TLN2: variants seen among roughly 807,000 people sequenced by gnomAD.
TLN2 encodes talin-2.
Under a neutral mutation model 294.7 loss-of-function variants are expected in TLN2, and 118 were observed. The ratio of observed to expected loss-of-function variants is 0.40; its 90% CI spans 0.34 to 0.47. The LOEUF (loss-of-function observed/expected upper bound fraction) is 0.47, where lower values mean the gene tolerates loss of function less well. Among genes scored for constraint, TLN2 ranks in the 20% least tolerant of loss-of-function variants. The pLI is 0.84. For synonymous variants in TLN2, 1,431 were observed against 1,304.5 expected (o/e 1.10, Z -2.09); for missense variants, 3,083 against 3,282.2 (o/e 0.94, Z 1.48).
intron 1 of TLN2, among the ~76,000 whole-genome samples, chr15:62,448,495 C>G (rs1216395321): frequency 6.6e-6 from 1 of 152,214 alleles, no homozygotes; most frequent in Non-Finnish European, 1.5e-5. Context: ...AGTACCCTCT[C>G]TGTCATGTGC....
intron 28 of TLN2, among the ~76,000 whole-genome samples, chr15:62,733,689 A>G (rs1209888185): frequency 2.0e-5 from 3 of 152,248 alleles, no homozygotes; most frequent in South Asian, 2.1e-4. Flanking sequence ...GAATGCTACT[A>G]TATTTGATAT....
chr15:62,548,521 T>C (rs892681198), intron 1 of TLN2, among the ~76,000 whole-genome samples: 2 of 152,200 alleles, frequency 1.3e-5, no homozygotes, highest in African/African-American at 2.4e-5. Flanking sequence ...GATTTCCTGG[T>C]GCTCACCAGA....
chr15:62,601,967 C>T (rs2047049336), intron 2 of TLN2, among the ~76,000 whole-genome samples: 1 of 152,102 alleles, frequency 6.6e-6, no homozygotes, highest in Non-Finnish European at 1.5e-5. Flanking sequence ...TTTTTGTTTA[C>T]TTTCTGGTGA....
At chr15:62,728,888 G>A (rs999761566) in intron 28 of TLN2, among the ~76,000 whole-genome samples, 3 of 151,744 alleles carry the variant, frequency 2.0e-5, no homozygotes, top group Admixed American at 2.0e-4. Flanking sequence ...TTTCTTTATG[G>A]TTAGTACTTT....
intron 1 of TLN2, among the ~76,000 whole-genome samples, chr15:62,574,120 G>A (rs1010227411): frequency 6.6e-6 from 1 of 151,966 alleles, no homozygotes; most frequent in African/African-American, 2.4e-5. Context: ...CGGTATTTTA[G>A]GTACCATCTG....
chr15:62,817,778 T>G (rs1353748711), intron 52 of TLN2, among the ~76,000 whole-genome samples: 1 of 151,730 alleles, frequency 6.6e-6, no homozygotes, highest in East Asian at 1.9e-4. Context: ...TTCCAAGCAT[T>G]GTGAGAAATA....
At chr15:62,461,517 T>C (rs996643982) in intron 1 of TLN2, among the ~76,000 whole-genome samples, 1 of 152,262 alleles carries the variant, frequency 6.6e-6, no homozygotes. Flanking sequence ...GATGGGTTTA[T>C]ACCTAGACGT....
chr15:62,677,936 C>A (rs577754830), intron 11 of TLN2, among the ~76,000 whole-genome samples: 1 of 151,102 alleles, frequency 6.6e-6, no homozygotes, highest in Admixed American at 6.6e-5. Flanking sequence ...GCTAGGGTTA[C>A]AGGCATGCAC....
At chr15:62,748,203 G>C (rs2061721492) in intron 32 of TLN2, 148 bp from the exon 33 acceptor site, 2 of 621,782 alleles carry the variant, frequency 3.2e-6, no homozygotes, top group South Asian at 2.0e-5. Context: ...GTTTATTTTT[G>C]GTTGTGTAGA....
At chr15:62,576,263 C>CA (rs35869276) in intron 1 of TLN2, among the ~76,000 whole-genome samples, 1 of 150,436 alleles carries the variant, frequency 6.6e-6, no homozygotes, top group African/African-American at 2.5e-5. Context: ...GACCCCGTCT[C>CA]AAAAAAAAAA....
chr15:62,799,126 G>A (rs891123689), intron 48 of TLN2, among the ~76,000 whole-genome samples: 2 of 152,198 alleles, frequency 1.3e-5, no homozygotes, highest in African/African-American at 4.8e-5. Context: ...CCAGAGCCAC[G>A]CACACAGGCA....
At position 62,792,780 on chromosome 15, in the gene TLN2, C is replaced by T. The variant is rs140861754; in HGVS notation, c.5876C>T (p.Thr1959Met). 5,005 of 1,613,958 alleles carry T rather than the reference C, an allele frequency of 3.1e-3. 17 individuals carry two copies. Among genetic ancestry groups the T allele is most frequent in the Non-Finnish European group, 3.3e-3 (3,898 of 1,180,022 alleles). ...RELIECARAVTEKVSLVLSAL... is the reference protein window; with the variant it reads ...RELIECARAVMEKVSLVLSAL... The stretch of plus-strand genomic sequence containing the variant: ...CTGATCGAATGCGCCCGTGCCGTCA[C>T]GGAAAAGGTAAGGAGCAGCCCTCAG... Residue 1959 changes from threonine to methionine, a missense_variant, in exon 46 of 59, where the codon ACG (threonine) becomes ATG (methionine). Physicochemically the swap from Thr to Met is moderately conservative, Grantham distance 81 (BLOSUM62 -1). Transcript: ENST00000636159.
chr15:62,739,331 C>T lies in TLN2; in HGVS notation c.3688-17C>T. ...AAAGCAGAATGTCTCATGGGGTGTG[C>T]CGTCTGTTCCCCACAGCTACCTCCA... On this transcript the variant is annotated splice_polypyrimidine_tract_variant and intron_variant, in intron 30 of 58. Transcript: ENST00000636159. 1 of 1,607,280 alleles carries T rather than the reference C, an allele frequency of 6.2e-7. No individual in the cohort carries two copies. Among genetic ancestry groups the T allele is most frequent in the Non-Finnish European group, 8.5e-7 (1 of 1,176,466 alleles).
rs138286989 is a variant in TLN2, at chr15:62,717,100, A to G, written c.2764-476A>G. 8.5e-3 allele frequency among the ~76,000 whole-genome samples: 1,295 copies of G among 152,278 alleles called. 18 individuals are homozygous for G. The highest frequency in any genetic ancestry group is 0.029 in the African/African-American group (1,187 of 41,542). On this transcript the variant is annotated intron_variant, in intron 23 of 58. Transcript: ENST00000636159. Reference sequence around the variant, plus strand: ...AGAAAAGTAACATTGTTGTTCTTGGACAAAGACAAGAGGGTAAACACAATT... The same window carrying G: ...AGAAAAGTAACATTGTTGTTCTTGGGCAAAGACAAGAGGGTAAACACAATT...
chr15:62,664,619 G>A (rs1306787727), intron 9 of TLN2, among the ~76,000 whole-genome samples: 1 of 151,906 alleles, frequency 6.6e-6, no homozygotes, highest in Non-Finnish European at 1.5e-5. Context: ...AGCACTTTGG[G>A]AGGCCGAAGT....
intron 51 of TLN2, among the ~76,000 whole-genome samples, 196 bp downstream of exon 51, chr15:62,805,981 G>A (rs1156865602): frequency 1.3e-5 from 2 of 152,086 alleles, no homozygotes; most frequent in Admixed American, 1.3e-4. Context: ...TTGAGACCAG[G>A]AATTTGAGAC....
At chr15:62,781,523 T>C (rs1320959082) in intron 44 of TLN2, among the ~76,000 whole-genome samples, 2 of 151,922 alleles carry the variant, frequency 1.3e-5, no homozygotes, top group Non-Finnish European at 2.9e-5. Context: ...GGAGAGAAAA[T>C]GAAAAGACGG....
intron 1 of TLN2, among the ~76,000 whole-genome samples, chr15:62,587,979 C>T (rs955446513): frequency 2.6e-5 from 4 of 152,000 alleles, no homozygotes; most frequent in African/African-American, 4.8e-5. Context: ...CTCCCGGGTT[C>T]ACACTATTCT....
At chr15:62,641,132 C>T (rs1180056441) in intron 3 of TLN2, among the ~76,000 whole-genome samples, 4 of 152,050 alleles carry the variant, frequency 2.6e-5, no homozygotes, top group African/African-American at 7.2e-5. Context: ...GAATAAAGGG[C>T]TAACTAGAAG....
Sources: gnomAD v4.1 joint callset for allele counts (sites outside exome capture counted in the v4.1 genomes callset) on GRCh38, gnomAD v4.1.1 for gene constraint, MANE v1.5 for transcripts, NCBI Gene and HGNC (gene_info 2026-07-23, HGNC 2026-07-21) for gene names.